Variants in DDX5 observed in about 807,000 individuals in gnomAD.
The protein encoded by DDX5 is probable ATP-dependent RNA helicase DDX5.
A neutral mutation model predicts 68.6 loss-of-function variants in DDX5; 6 were observed. The observed-to-expected ratio is 0.09, with a 90% CI of 0.05 to 0.17. DDX5 has a LOEUF of 0.17. Among genes scored for constraint, DDX5 ranks in the 10% least tolerant of loss-of-function variants. The pLI is 1.00. For synonymous variants in DDX5, 350 were observed against 247.0 expected (o/e 1.42, Z -3.91); for missense variants, 499 against 756.1 (o/e 0.66, Z 3.99).
intron 1 of DDX5, 154 bp downstream of exon 1, chr17:64,505,922 T>C: frequency 6.5e-7 from 1 of 1,533,954 alleles, no homozygotes; most frequent in Non-Finnish European, 8.7e-7. Flanking sequence ...CACTGTGACG[T>C]GAATATCAAA....
chr17:64,505,973 G>A (rs1006526967), intron 1 of DDX5, 103 bp downstream of exon 1: 36 of 1,540,638 alleles, frequency 2.3e-5, no homozygotes, highest in South Asian at 9.5e-5. Flanking sequence ...AAGATAGCCC[G>A]GAAAGGCCAA....
intron 11 of DDX5, 167 bp from the exon 12 acceptor site, chr17:64,500,940 G>A (rs2038282847): frequency 5.0e-6 from 3 of 603,608 alleles, no homozygotes; most frequent in Non-Finnish European, 2.9e-6. Flanking sequence ...CATTGAGGTT[G>A]AAAAAAGAAA....
rs1327597801 is a variant in DDX5, at chr17:64,500,194, T to C, written c.1574A>G (p.Asp525Gly). The change falls in exon 13 of 13, where the codon GAT becomes GGT. Residue 525 changes from aspartate to glycine, a missense_variant. Around this residue, in one of 5 missense-constraint regions of DDX5, gnomAD observed 171 missense variants for 174.8 expected, o/e 0.98. Coordinates refer to ENST00000225792, the MANE Select transcript of DDX5 (RefSeq NM_004396.5). ...DRGYSSLLKR[D>G]FGAKTQNGVY... is the part of the protein sequence containing the mutation. ...ACCATTCTGAGTTTTTGCCCCAAAA[T>C]CTCTTTTAAGCAGGCTAGAGTAACC... 1 of 1,614,032 alleles carries C rather than the reference T, an allele frequency of 6.2e-7. No homozygotes were observed. Among genetic ancestry groups the C allele is most frequent in the African/African-American group, 1.3e-5 (1 of 74,900 alleles).
chr17:64,505,892 A>C, intron 1 of DDX5, 184 bp downstream of exon 1: 1 of 1,535,558 alleles, frequency 6.5e-7, no homozygotes, highest in African/African-American at 1.4e-5. Flanking sequence ...AAGACACTAC[A>C]CCGTCAAATC....
chr17:64,505,317 G>A (rs889780459), intron 1 of DDX5: 27 of 367,744 alleles, frequency 7.3e-5, no homozygotes, highest in Non-Finnish European at 1.3e-4. Flanking sequence ...AACAGAACAA[G>A]GGTTTTCTCA....
intron 1 of DDX5, 65 bp from the exon 2 acceptor site, chr17:64,504,907 G>C (rs1330756052): frequency 6.7e-7 from 1 of 1,489,412 alleles, no homozygotes; most frequent in African/African-American, 1.4e-5. Flanking sequence ...GTATAGATTT[G>C]TCATCCATTG....
In DDX5 at chr17:64,502,879, C is replaced by T. The variant is rs782690623; in HGVS notation, c.983+47G>A. 4.0e-6 allele frequency: 6 copies of T among 1,507,190 alleles called. No individual in the cohort carries two copies. The East Asian group carries it at 1.1e-4, about 29-fold the overall frequency. 93.4% of individuals were successfully genotyped at this position (1,507,190 alleles called of 1,614,324 possible). Reference sequence around the variant, plus strand: ...ACCAAACAATGATCCCTCAATTTTACAGCAAAGTTGTTAGGAAGCAAATAT... The same window carrying T: ...ACCAAACAATGATCCCTCAATTTTATAGCAAAGTTGTTAGGAAGCAAATAT... On this transcript the variant is annotated intron_variant, in intron 8 of 12. Transcript: ENST00000225792.
rs2038207850 is a variant in DDX5 at position 64,498,373 on chromosome 17, CAACA to C, written c.*1546_*1549del. Among the ~76,000 whole-genome samples the C allele has an allele frequency of 6.6e-6, 1 of 152,092 alleles. No homozygotes were observed. The highest frequency in any genetic ancestry group is 2.4e-5 in the African/African-American group (1 of 41,394). On this transcript the variant is annotated 3_prime_UTR_variant, in exon 13 of 13. Transcript: ENST00000225792. ...AAATAGGTAAATGTTTTCCACAGCCCAACAATCATTTCAGTGTTTACAAATTAAA... is the reference window on the plus strand; with the variant it reads ...AAATAGGTAAATGTTTTCCACAGCCCATCATTTCAGTGTTTACAAATTAAA...
intron 1 of DDX5, 32 bp from the exon 2 acceptor site, chr17:64,504,874 C>T: frequency 2.5e-6 from 4 of 1,583,742 alleles, no homozygotes; most frequent in Non-Finnish European, 3.4e-6. Context: ...TTCACATTTT[C>T]AAATGGCTAT....
rs1568102899 is a variant in DDX5, at chr17:64,502,773, A to G, written c.983+153T>C. On this transcript the variant is annotated intron_variant, in intron 8 of 12. Coordinates refer to ENST00000225792, the MANE Select transcript of DDX5 (RefSeq NM_004396.5). The stretch of plus-strand genomic sequence containing the variant: ...AAAGCTATAAATGGTGACAGCCATT[A>G]TTTGAAGGATTCAAGAAATTTTCAG... The G allele has an allele frequency of 1.6e-5, 13 of 810,062 alleles. No individual in the cohort carries two copies. The East Asian group carries it at 3.2e-4, about 20-fold the overall frequency. 50.2% of individuals were successfully genotyped at this position (810,062 alleles called of 1,614,324 possible).
At position 64,499,946 on chromosome 17, in the gene DDX5, T is replaced by A. The variant is rs559466356; in HGVS notation, c.1822A>T (p.Met608Leu). 2 of 1,607,284 alleles carry A rather than the reference T, an allele frequency of 1.2e-6. No homozygotes were observed. Among genetic ancestry groups the A allele is most frequent in the African/African-American group, 1.3e-5 (1 of 74,976 alleles). ...TCTTATTGGGAATATCCTGTTGGCA[T>A]TGGATAACCAATCATAGGTGCAGCT... ...TAAAPMIGYP[M>L]PTGYSQ Residue 608 changes from methionine (M) to leucine (L), a missense_variant, in exon 13 of 13, where the codon ATG becomes TTG. Met to Leu is a conservative substitution (Grantham distance 15, BLOSUM62 2). This residue lies in a region of DDX5 where 171 missense variants were observed against 174.8 expected (regional missense o/e 0.98). Coordinates refer to ENST00000225792, the MANE Select transcript of DDX5 (RefSeq NM_004396.5).
chr17:64,501,897 T>C, intron 11 of DDX5, 113 bp downstream of exon 11: 1 of 1,112,560 alleles, frequency 9.0e-7, no homozygotes, highest in Non-Finnish European at 1.3e-6. Context: ...AGCACCTTTA[T>C]GTGAAAAAAA....
At chr17:64,500,429 C>A in intron 12 of DDX5, 103 bp from the exon 13 acceptor site, 1 of 1,529,150 alleles carries the variant, frequency 6.5e-7, no homozygotes. Context: ...AATGTTTTTA[C>A]AATTTTTCAG....
intron 3 of DDX5, 28 bp downstream of exon 3, chr17:64,504,194 G>T: frequency 6.2e-7 from 1 of 1,612,416 alleles, no homozygotes; most frequent in Non-Finnish European, 8.5e-7. Context: ...AAAAACACGG[G>T]TAGGTAGAAC....
chr17:64,504,860 G>A lies in DDX5; in HGVS notation c.45-18C>T, dbSNP rs782775170. 1.8e-5 allele frequency: 28 copies of A among 1,587,412 alleles called. No homozygotes were observed. The highest frequency in any genetic ancestry group is 2.3e-5 in the South Asian group (2 of 86,416). ...CACCAAACCTGGAATGAAAAAAAAC[G>A]TTATTCACATTTTCAAATGGCTATA... On this transcript the variant is annotated intron_variant, in intron 1 of 12. Transcript: ENST00000225792.
chr17:64,504,442 AC>A, intron 2 of DDX5, 124 bp from the exon 3 acceptor site: 1 of 968,920 alleles, frequency 1.0e-6, no homozygotes, highest in Non-Finnish European at 1.5e-6. Context: ...TTTAATCTGG[AC>A]CCACCTATGA....
intron 1 of DDX5, 43 bp downstream of exon 1, chr17:64,506,021 CCCGCCCTCCCAT>C: frequency 1.1e-6 from 1 of 887,016 alleles, no homozygotes; most frequent in Non-Finnish European, 1.7e-6. Flanking sequence ...GCCACCCTGA[CCCGCCCTCCCAT>C]CCCCCCACCC....
chr17:64,505,452 C>G (rs1425942033), intron 1 of DDX5: 1 of 568,722 alleles, frequency 1.8e-6, no homozygotes, highest in African/African-American at 1.9e-5. Context: ...GGGAGGAGTC[C>G]CGGCCCGGGC....
At chr17:64,505,045 GT>G (rs2144273478) in intron 1 of DDX5, 1 of 469,360 alleles carries the variant, frequency 2.1e-6, no homozygotes. Context: ...CATTACTTAG[GT>G]CATGTAAACA....
Sources: allele counts gnomAD v4.1 joint callset (sites outside exome capture counted in the v4.1 genomes callset), GRCh38; gene constraint gnomAD v4.1.1; regional missense constraint gnomAD v4.1.1; transcripts MANE v1.5; gene names NCBI Gene and HGNC (gene_info 2026-07-23, HGNC 2026-07-21).